The following CFAP221 variants were observed in gnomAD, a reference collection of about 807,000 sequenced individuals.
The protein encoded by CFAP221 is cilia- and flagella-associated protein 221.
A neutral mutation model predicts 113.1 loss-of-function variants in CFAP221; 97 were observed. The observed-to-expected ratio is 0.86, with a 90% CI of 0.73 to 1.02. The LOEUF (loss-of-function observed/expected upper bound fraction) is 1.02, where lower values mean the gene tolerates loss of function less well. Among genes scored for constraint, CFAP221 ranks in the 50% least tolerant of loss-of-function variants. The pLI is 0.00. For missense variants in CFAP221, 1,025 were observed against 1,013.4 expected (o/e 1.01, Z -0.16); for synonymous variants, 331 against 354.4 (o/e 0.93, Z 0.74).
chr2:119,620,107 A>G (rs1685800013), intron 14 of CFAP221, among the ~76,000 whole-genome samples: 1 of 152,206 alleles, frequency 6.6e-6, no homozygotes, highest in African/African-American at 2.4e-5. Flanking sequence ...GACCAAACCT[A>G]CGTTTGACTG....
intron 3 of CFAP221, 50 bp from the exon 4 acceptor site, chr2:119,559,639 A>G (rs1681078035): frequency 3.6e-6 from 5 of 1,392,484 alleles, no homozygotes; most frequent in Non-Finnish European, 4.9e-6. Flanking sequence ...TGAGGTGAGT[A>G]TGCAAATAAA....
chr2:119,579,131 T>C (rs1305230418), intron 6 of CFAP221, among the ~76,000 whole-genome samples: 2 of 152,106 alleles, frequency 1.3e-5, no homozygotes, highest in African/African-American at 4.8e-5. Context: ...CTTAGCATAA[T>C]TGATAAAATG....
chr2:119,637,214 T>C (rs969268973), intron 19 of CFAP221, among the ~76,000 whole-genome samples: 42 of 152,274 alleles, frequency 2.8e-4, no homozygotes, highest in African/African-American at 1.0e-3. Flanking sequence ...CACTCGTTTA[T>C]ATCCAGGAGT....
chr2:119,646,856 G>T, intron 21 of CFAP221, 102 bp from the exon 22 acceptor site: 1 of 1,005,922 alleles, frequency 9.9e-7, no homozygotes, highest in Non-Finnish European at 1.5e-6. Flanking sequence ...AGTAGTAGAG[G>T]CCTCGCCAGC....
chr2:119,627,696 T>C lies in CFAP221; in HGVS notation c.1560T>C (p.Asp520=). ...FKFFLRRISQ[D]DYTSRFSVSP... is the part of the protein sequence containing the mutation. ...TCTTCCTGAGGCGGATCAGTCAGGA[T>C]GATTATACCAGCCGGTTCTCTGTGT... Residue 520 remains aspartate, a synonymous_variant, in exon 16 of 24, where the codon GAT becomes GAC. Coordinates refer to ENST00000413369, the MANE Select transcript of CFAP221 (RefSeq NM_001271049.2). The C allele has an allele frequency of 6.2e-7, 1 of 1,613,792 alleles. No individual in the cohort carries two copies. The highest frequency in any genetic ancestry group is 8.5e-7 in the Non-Finnish European group (1 of 1,179,912).
At chr2:119,595,069 C>G (rs1186703345) in intron 7 of CFAP221, among the ~76,000 whole-genome samples, 1 of 152,234 alleles carries the variant, frequency 6.6e-6, no homozygotes, top group African/African-American at 2.4e-5. Flanking sequence ...TCCTCCCTCC[C>G]TACCAGGTCA....
chr2:119,647,642 C>T (rs1053650871), intron 22 of CFAP221, among the ~76,000 whole-genome samples: 1 of 152,126 alleles, frequency 6.6e-6, no homozygotes, highest in Non-Finnish European at 1.5e-5. Flanking sequence ...CCAGCTGGCT[C>T]ACCTGGCATT....
chr2:119,611,861 T>G, intron 13 of CFAP221, 119 bp downstream of exon 13: 1 of 773,384 alleles, frequency 1.3e-6, no homozygotes, highest in Admixed American at 2.9e-5. Flanking sequence ...TACTTTTTAA[T>G]TTGCATACAT....
At chr2:119,643,208 T>A (rs1446359182) in intron 21 of CFAP221, among the ~76,000 whole-genome samples, 2 of 152,214 alleles carry the variant, frequency 1.3e-5, no homozygotes, top group Non-Finnish European at 2.9e-5. Context: ...ATAAATTAGC[T>A]CCTATTACTT....
chr2:119,548,618 T>A (rs1381326551), intron 2 of CFAP221, among the ~76,000 whole-genome samples: 1 of 152,238 alleles, frequency 6.6e-6, no homozygotes, highest in Non-Finnish European at 1.5e-5. Context: ...CTACATCACA[T>A]TGTAATTCTA....
At position 119,656,410 on chromosome 2, in the gene CFAP221, G is replaced by A. The variant is rs186291259; in HGVS notation, c.2463G>A (p.Leu821=). 1.2e-5 allele frequency: 19 copies of A among 1,614,060 alleles called. No homozygotes were observed. Among genetic ancestry groups the A allele is most frequent in the Non-Finnish European group, 1.5e-5 (18 of 1,179,976 alleles). ...CAGCAGAGAAGGCCGGAGAGAAGCTGCTCGAGGAGATGAGGAACCTGCGGG... is the reference window on the plus strand; with the variant it reads ...CAGCAGAGAAGGCCGGAGAGAAGCTACTCGAGGAGATGAGGAACCTGCGGG... ...AQPAEKAGEK[L]LEEMRNLRGK... is the part of the protein sequence containing the mutation. The change falls in exon 24 of 24, where the codon CTG becomes CTA. Residue 821 remains leucine (L), a synonymous_variant. Transcript: ENST00000413369.
chr2:119,611,528 C>T, intron 12 of CFAP221, 125 bp from the exon 13 acceptor site: 1 of 705,650 alleles, frequency 1.4e-6, no homozygotes, highest in Non-Finnish European at 2.4e-6. Context: ...TGTGTTTCAC[C>T]ACTTCCAATG....
chr2:119,567,031 T>G (rs1037997851), intron 6 of CFAP221, among the ~76,000 whole-genome samples: 2 of 152,188 alleles, frequency 1.3e-5, no homozygotes, highest in African/African-American at 4.8e-5. Flanking sequence ...TACAGAGATT[T>G]CCCATATCTC....
chr2:119,605,752 T>G (rs1337102476), intron 11 of CFAP221, among the ~76,000 whole-genome samples: 1 of 152,158 alleles, frequency 6.6e-6, no homozygotes, highest in African/African-American at 2.4e-5. Context: ...GTGCCCAAAT[T>G]AGAAACTTTT....
intron 12 of CFAP221, among the ~76,000 whole-genome samples, chr2:119,611,420 C>CAA (rs10689517): frequency 0.76 from 86,008 of 113,138 alleles, 33,496 homozygotes; most frequent in South Asian, 0.88. Flanking sequence ...GAGACAACGT[C>CAA]AAAAAAAAAA....
intron 14 of CFAP221, among the ~76,000 whole-genome samples, chr2:119,620,090 A>G (rs1685798842): frequency 6.6e-6 from 1 of 152,182 alleles, no homozygotes; most frequent in Non-Finnish European, 1.5e-5. Flanking sequence ...GTGGGACTAT[A>G]TGAAAAGACC....
chr2:119,612,761 T>G (rs576928443), intron 13 of CFAP221, among the ~76,000 whole-genome samples: 1 of 152,088 alleles, frequency 6.6e-6, no homozygotes, highest in Admixed American at 6.5e-5. Context: ...AACCATATCA[T>G]TCCACCACTG....
chr2:119,652,165 G>A (rs2104818326), intron 23 of CFAP221, 96 bp downstream of exon 23: 1 of 877,172 alleles, frequency 1.1e-6, no homozygotes, highest in Non-Finnish European at 1.7e-6. Flanking sequence ...AGTCTAAATA[G>A]CTCAGTCTTT....
intron 6 of CFAP221, among the ~76,000 whole-genome samples, chr2:119,564,051 C>T (rs1325915486): frequency 6.6e-6 from 1 of 152,138 alleles, no homozygotes. Context: ...CTTCAGCAGG[C>T]TTATGGAGGG....
Sources: gnomAD v4.1 joint callset for allele counts (sites outside exome capture counted in the v4.1 genomes callset) on GRCh38, gnomAD v4.1.1 for gene constraint, MANE v1.5 for transcripts, NCBI Gene and HGNC (gene_info 2026-07-23, HGNC 2026-07-21) for gene names.